CBLB: variants seen among roughly 807,000 people sequenced by gnomAD.
CBLB encodes Cbl proto-oncogene B.
A neutral mutation model predicts 104.9 loss-of-function variants in CBLB; 31 were observed. The ratio of observed to expected loss-of-function variants is 0.30; its 90% CI spans 0.22 to 0.40. The LOEUF is 0.40. Ranked by LOEUF, CBLB falls within the 10% of genes least tolerant of loss-of-function variation. CBLB has a pLI of 1.00. For missense variants in CBLB, 1,062 were observed against 1,214.6 expected, an observed-to-expected ratio of 0.87 and a Z score of 1.87; for synonymous variants, 440 against 422.6, an observed-to-expected ratio of 1.04 and a Z score of -0.51.
chr3:105,742,970 A>G (rs2075756024), intron 6 of CBLB, among the ~76,000 whole-genome samples: 1 of 152,184 alleles, frequency 6.6e-6, no homozygotes, highest in South Asian at 2.1e-4. Flanking sequence ...CAATTCATGT[A>G]TATAAGAGAT....
chr3:105,701,566 C>T (rs1465633730), intron 12 of CBLB, among the ~76,000 whole-genome samples: 1 of 152,072 alleles, frequency 6.6e-6, no homozygotes, highest in East Asian at 1.9e-4. Context: ...AGTTCAAGAC[C>T]AGCCTGGCCA....
intron 3 of CBLB, among the ~76,000 whole-genome samples, chr3:105,840,971 A>G (rs1163819398): frequency 6.6e-6 from 1 of 152,114 alleles, no homozygotes; most frequent in African/African-American, 2.4e-5. Flanking sequence ...TTTAATTATT[A>G]AAGTTTTTTT....
At chr3:105,751,700 T>C in intron 4 of CBLB, 82 bp from the exon 5 acceptor site, 1 of 935,164 alleles carries the variant, frequency 1.1e-6, no homozygotes, top group Admixed American at 1.8e-5. Flanking sequence ...CAAAATTCAA[T>C]AATAAAATTA....
intron 3 of CBLB, among the ~76,000 whole-genome samples, chr3:105,816,598 T>C (rs956814550): frequency 6.6e-6 from 1 of 152,174 alleles, no homozygotes; most frequent in Non-Finnish European, 1.5e-5. Flanking sequence ...AGAAGCAAAA[T>C]GCAGTATTTT....
At chr3:105,699,490 T>G (rs2152772581) in intron 12 of CBLB, among the ~76,000 whole-genome samples, 1 of 152,280 alleles carries the variant, frequency 6.6e-6, no homozygotes, top group African/African-American at 2.4e-5. Flanking sequence ...AGCCAGTATA[T>G]TCTAGAGCAA....
chr3:105,825,556 A>G (rs1244051545), intron 3 of CBLB, among the ~76,000 whole-genome samples: 1 of 152,234 alleles, frequency 6.6e-6, no homozygotes, highest in Non-Finnish European at 1.5e-5. Context: ...GTGCCAGGAC[A>G]GAGTAGGCGC....
intron 4 of CBLB, among the ~76,000 whole-genome samples, chr3:105,764,720 A>G (rs1400176954): frequency 1.3e-5 from 2 of 152,208 alleles, no homozygotes; most frequent in Non-Finnish European, 2.9e-5. Flanking sequence ...CTGACATAGG[A>G]CAAAAGTGAG....
chr3:105,663,898 C>G (rs949267944), intron 18 of CBLB, among the ~76,000 whole-genome samples: 1 of 46,084 alleles, frequency 2.2e-5, no homozygotes, highest in African/African-American at 7.9e-5. Flanking sequence ...GGACAGAAAG[C>G]TTATTAGGAA....
intron 17 of CBLB, among the ~76,000 whole-genome samples, chr3:105,674,550 G>A (rs2065399519): frequency 6.6e-6 from 1 of 152,194 alleles, no homozygotes; most frequent in Admixed American, 6.5e-5. Flanking sequence ...TTTGTGCACT[G>A]CACAAAGACA....
At chr3:105,825,379 A>G (rs1363792681) in intron 3 of CBLB, among the ~76,000 whole-genome samples, 2 of 152,212 alleles carry the variant, frequency 1.3e-5, no homozygotes, top group Non-Finnish European at 2.9e-5. Context: ...TGGGATGGAA[A>G]GAGAAAGAAG....
rs1223602570 is a variant in CBLB at position 105,657,928 on chromosome 3, G to C, written c.*1042C>G. 1 of 211,452 alleles carries C rather than the reference G, an allele frequency of 4.7e-6. No individual in the cohort carries two copies. Among genetic ancestry groups the C allele is most frequent in the Non-Finnish European group, 9.6e-6 (1 of 104,418 alleles). The allele number at this position is 211,452 out of a possible 1,614,324, so 13.1% of individuals were successfully genotyped here. On this transcript the variant is annotated 3_prime_UTR_variant, in exon 19 of 19. Coordinates refer to ENST00000394030, the MANE Select transcript of CBLB (RefSeq NM_170662.5). Reference sequence around the variant, plus strand: ...ATGAACTGGTTCCCACAGCTCTTAGGAGATAGAGTGTAATCACTTAAATGG... The same window carrying C: ...ATGAACTGGTTCCCACAGCTCTTAGCAGATAGAGTGTAATCACTTAAATGG...
intron 3 of CBLB, among the ~76,000 whole-genome samples, chr3:105,829,453 G>A (rs891699782): frequency 6.6e-6 from 1 of 151,954 alleles, no homozygotes; most frequent in Non-Finnish European, 1.5e-5. Context: ...GAGCCCAGGA[G>A]TTCAAGACCA....
At chr3:105,672,282 ATTAT>A (rs2065155688) in intron 17 of CBLB, 1 of 182,134 alleles carries the variant, frequency 5.5e-6, no homozygotes, top group Non-Finnish European at 1.2e-5. Flanking sequence ...ATTAAACTAT[ATTAT>A]TTAAAAGGTA....
At position 105,683,069 on chromosome 3, in the gene CBLB, C is replaced by G. The variant is rs58846261; in HGVS notation, c.2202-1251G>C. Among the ~76,000 whole-genome samples, 615 of 152,326 alleles carry G rather than the reference C, an allele frequency of 4.0e-3. 4 individuals are homozygous for G. Among genetic ancestry groups the G allele is most frequent in the African/African-American group, 0.014 (582 of 41,574 alleles). ...AATAGATAATGCAAGAATGCTTCAT[C>G]TGAAATTCATTTCTATTCTCTCTGG... is the stretch of plus-strand genomic sequence containing the variant. On this transcript the variant is annotated intron_variant, in intron 14 of 18. Transcript: ENST00000394030.
intron 3 of CBLB, among the ~76,000 whole-genome samples, chr3:105,799,987 T>C (rs534965973): frequency 6.6e-6 from 1 of 152,194 alleles, no homozygotes; most frequent in Non-Finnish European, 1.5e-5. Context: ...ATTTTAAAAG[T>C]ACATCTGAAA....
chr3:105,722,303 T>C (rs755098321), intron 9 of CBLB, among the ~76,000 whole-genome samples: 3 of 152,048 alleles, frequency 2.0e-5, no homozygotes, highest in Non-Finnish European at 4.4e-5. Flanking sequence ...AAGCAGTACT[T>C]TGAGACGTAC....
chr3:105,807,864 C>T (rs1311704785), intron 3 of CBLB, among the ~76,000 whole-genome samples: 1 of 152,104 alleles, frequency 6.6e-6, no homozygotes, highest in Non-Finnish European at 1.5e-5. Flanking sequence ...TAAAGGAACT[C>T]AGAGGACTTG....
At chr3:105,740,198 AAC>A (rs1381978444) in intron 7 of CBLB, among the ~76,000 whole-genome samples, 5 of 152,234 alleles carry the variant, frequency 3.3e-5, no homozygotes, top group Admixed American at 3.3e-4. Context: ...TTAATATATA[AAC>A]AGTTTTACAT....
At chr3:105,765,310 C>T (rs1577002322) in intron 4 of CBLB, among the ~76,000 whole-genome samples, 1 of 152,224 alleles carries the variant, frequency 6.6e-6, no homozygotes, top group African/African-American at 2.4e-5. Flanking sequence ...ATATGTACCC[C>T]CTAAATAACC....
Sources: allele counts gnomAD v4.1 joint callset (sites outside exome capture counted in the v4.1 genomes callset), GRCh38; gene constraint gnomAD v4.1.1; transcripts MANE v1.5; gene names NCBI Gene and HGNC (gene_info 2026-07-23, HGNC 2026-07-21).